Variants in DNAH8 observed in about 807,000 individuals in gnomAD.
DNAH8 encodes axonemal beta dynein heavy chain 8.
A neutral mutation model predicts 562.1 loss-of-function variants in DNAH8; 382 were observed. The observed-to-expected ratio is 0.68, with a 90% CI of 0.63 to 0.74. DNAH8 has a LOEUF of 0.74. Ranked by LOEUF, DNAH8 falls within the 30% of genes least tolerant of loss-of-function variation. DNAH8 has a pLI of 0.00. For synonymous variants in DNAH8, 1,881 were observed against 1,919.4 expected, an observed-to-expected ratio of 0.98 and a Z score of 0.52; for missense variants, 5,203 against 5,620.4, an observed-to-expected ratio of 0.93 and a Z score of 2.37.
chr6:38,882,875 G>T, intron 53 of DNAH8, 35 bp from the exon 54 acceptor site: 1 of 1,420,180 alleles, frequency 7.0e-7, no homozygotes, highest in South Asian at 1.6e-5. Context: ...CACAGAATAT[G>T]GTTCTATTAA....
At chr6:38,849,209 A>G (rs1482369747) in intron 37 of DNAH8, among the ~76,000 whole-genome samples, 42 of 152,164 alleles carry the variant, frequency 2.8e-4, no homozygotes, top group Non-Finnish European at 4.4e-5. Flanking sequence ...CAAATGCAGT[A>G]CTATTATAGT....
rs370141047 is a variant in DNAH8, at chr6:39,002,850, C to T, written c.13215-5964C>T. On this transcript the variant is annotated intron_variant, in intron 88 of 92. Coordinates refer to ENST00000327475, the MANE Select transcript of DNAH8 (RefSeq NM_001206927.2). ...ACACTTGCTAGATCTGATACTAGGACCCTCGTATCACTGTATCTGACTGAA... is the reference window on the plus strand; with the variant it reads ...ACACTTGCTAGATCTGATACTAGGATCCTCGTATCACTGTATCTGACTGAA... Among the ~76,000 whole-genome samples the T allele has an allele frequency of 4.6e-5, 7 of 152,260 alleles. No individual in the cohort carries two copies. The East Asian group carries it at 9.6e-4, about 21-fold the overall frequency.
chr6:38,834,457 CAATT>C (rs1197340727), intron 31 of DNAH8, 118 bp from the exon 32 acceptor site: 1 of 629,034 alleles, frequency 1.6e-6, no homozygotes, highest in Non-Finnish European at 2.7e-6. Flanking sequence ...GTACAGGACA[CAATT>C]AAATAATTTA....
chr6:38,975,657 C>T lies in DNAH8; in HGVS notation c.12834+1128C>T, dbSNP rs1763618982. ...GATTAAATGCTTTGCTGGTGGTTAT[C>T]TTTACTAAGTTCCATTGTGGCCTTT... On this transcript the variant is annotated intron_variant, in intron 85 of 92. Transcript: ENST00000327475. Among the ~76,000 whole-genome samples, 4 of 152,296 alleles carry T rather than the reference C, an allele frequency of 2.6e-5. No homozygotes were observed. In the South Asian group the frequency reaches 8.3e-4, roughly 32 times the overall value.
At chr6:38,973,836 A>G in intron 84 of DNAH8, 23 bp downstream of exon 84, 6 of 1,564,506 alleles carry the variant, frequency 3.8e-6, no homozygotes, top group Non-Finnish European at 4.3e-6. Flanking sequence ...ACGTCTTTTC[A>G]TCGAGAGTCA....
intron 17 of DNAH8, among the ~76,000 whole-genome samples, chr6:38,786,264 A>G (rs4714180): frequency 0.14 from 21,411 of 152,226 alleles, 2,101 homozygotes; most frequent in East Asian, 0.53. Flanking sequence ...ACTCAATGGT[A>G]TTTAATAAAT....
intron 40 of DNAH8, 143 bp from the exon 41 acceptor site, chr6:38,853,043 T>A: frequency 1.4e-6 from 1 of 701,752 alleles, no homozygotes; most frequent in Non-Finnish European, 2.3e-6. Context: ...ATTAGGTGAT[T>A]TTACCCATAT....
chr6:38,883,768 T>G, intron 55 of DNAH8, 108 bp from the exon 56 acceptor site: 1 of 914,738 alleles, frequency 1.1e-6, no homozygotes, highest in Non-Finnish European at 1.5e-6. Context: ...TATGTATACT[T>G]ATTAAATGCG....
chr6:38,822,510 T>C, intron 26 of DNAH8: 1 of 187,212 alleles, frequency 5.3e-6, no homozygotes, highest in South Asian at 1.5e-4. Context: ...GCGCTATTCC[T>C]CAGGGTGGAA....
intron 1 of DNAH8, among the ~76,000 whole-genome samples, chr6:38,719,695 T>G (rs1165458880): frequency 6.6e-6 from 1 of 152,184 alleles, no homozygotes; most frequent in Non-Finnish European, 1.5e-5. Flanking sequence ...AGCTGATCAT[T>G]ACAGCTCATT....
chr6:38,781,701 A>G (rs1768630422), intron 16 of DNAH8, among the ~76,000 whole-genome samples: 1 of 152,202 alleles, frequency 6.6e-6, no homozygotes, highest in African/African-American at 2.4e-5. Context: ...CTAGCACAGA[A>G]GCTTACTTCT....
chr6:38,828,011 A>T (rs1366042798), intron 29 of DNAH8, among the ~76,000 whole-genome samples, 173 bp from the exon 30 acceptor site: 1 of 152,058 alleles, frequency 6.6e-6, no homozygotes, highest in African/African-American at 2.4e-5. Flanking sequence ...CAGAGTTAGT[A>T]TCTGGTAGTC....
At position 38,860,467 on chromosome 6, in the gene DNAH8, A is replaced by G. The variant is rs1490241215; in HGVS notation, c.5969A>G (p.His1990Arg). Residue 1990 changes from histidine to arginine, a missense_variant, in exon 43 of 93, where the codon CAT (histidine) becomes CGT (arginine). Coordinates refer to ENST00000327475, the MANE Select transcript of DNAH8 (RefSeq NM_001206927.2). The part of the protein sequence containing the change: ...RDIFDDLVKM[H>R]IKSPTDFEWL... ...TTTTATGTTTTTAAGGTAAAAATGC[A>G]TATCAAATCACCTACTGACTTTGAA... 7.1e-7 allele frequency: 1 copy of G among 1,412,968 alleles called. No homozygotes were observed. 87.5% of individuals were successfully genotyped at this position (1,412,968 alleles called of 1,614,324 possible).
At position 38,737,972 on chromosome 6, in the gene DNAH8, G is replaced by A; in HGVS notation, c.1116G>A (p.Gln372=). 6.2e-7 allele frequency: 1 copy of A among 1,609,652 alleles called. No individual in the cohort carries two copies. The highest frequency in any genetic ancestry group is 8.5e-7 in the Non-Finnish European group (1 of 1,177,920). Residue 372 remains glutamine, a splice_region_variant and synonymous_variant, in exon 7 of 93, where the codon CAG becomes CAA. Coordinates refer to ENST00000327475, the MANE Select transcript of DNAH8 (RefSeq NM_001206927.2). ...TGGTATGGTACAAACAGATCGAACA[G>A]GTGAATTGACTCAAACAATTGCATC... ...VLMVWYKQIE[Q]VLIESEQMRK...
chr6:38,930,471 T>C (rs1782471853), intron 75 of DNAH8, among the ~76,000 whole-genome samples: 2 of 152,188 alleles, frequency 1.3e-5, no homozygotes, highest in Non-Finnish European at 2.9e-5. Context: ...AAATCTTTTA[T>C]ATGCCGCATT....
At chr6:38,944,280 T>C (rs1783677249) in intron 79 of DNAH8, among the ~76,000 whole-genome samples, 1 of 152,190 alleles carries the variant, frequency 6.6e-6, no homozygotes, top group Admixed American at 6.5e-5. Flanking sequence ...CACATTGTTC[T>C]AAAGGTGTTG....
intron 10 of DNAH8, among the ~76,000 whole-genome samples, chr6:38,758,299 G>A (rs538866122): frequency 1.3e-5 from 2 of 151,898 alleles, no homozygotes; most frequent in African/African-American, 4.8e-5. Flanking sequence ...AATTGTGAAT[G>A]GGAGTTCACT....
intron 48 of DNAH8, 89 bp from the exon 49 acceptor site, chr6:38,870,312 T>A (rs1451703647): frequency 3.5e-6 from 4 of 1,134,166 alleles, no homozygotes; most frequent in Non-Finnish European, 5.1e-6. Flanking sequence ...TCTCTGGGGA[T>A]GAAGTGATAA....
chr6:38,835,414 A>T (rs1454374018), intron 32 of DNAH8, among the ~76,000 whole-genome samples: 3 of 151,970 alleles, frequency 2.0e-5, no homozygotes, highest in African/African-American at 7.3e-5. Context: ...CTAAAATCTG[A>T]TAGAGAGATA....
Sources: allele counts gnomAD v4.1 joint callset (sites outside exome capture counted in the v4.1 genomes callset), GRCh38; gene constraint gnomAD v4.1.1; transcripts MANE v1.5; gene names NCBI Gene and HGNC (gene_info 2026-07-23, HGNC 2026-07-21).